The following LRP1B variants were observed in gnomAD, a reference collection of about 807,000 sequenced individuals.
The protein encoded by LRP1B is LDL receptor related protein 1B, also known as low-density lipoprotein receptor-related protein 1B.
LRP1B carries 217 observed loss-of-function variants against 556.6 expected under a neutral mutation model. That is an observed-to-expected ratio of 0.39 (90% CI 0.35 to 0.44). The LOEUF is 0.44. Ranked by LOEUF, LRP1B falls within the 20% of genes least tolerant of loss-of-function variation. The pLI, the probability that LRP1B is intolerant of heterozygous loss-of-function variation, is 1.00. For missense variants in LRP1B, 5,053 were observed against 5,620.8 expected, an observed-to-expected ratio of 0.90 and a Z score of 3.23; for synonymous variants, 2,047 against 1,865.8, an observed-to-expected ratio of 1.10 and a Z score of -2.50.
At chr2:140,966,052 T>C (rs1224348458) in intron 18 of LRP1B, among the ~76,000 whole-genome samples, 1 of 152,190 alleles carries the variant, frequency 6.6e-6, no homozygotes, top group East Asian at 1.9e-4. Context: ...TGATTTATAA[T>C]CCATTGGGTA....
At chr2:140,665,566 G>T (rs1444736184) in intron 41 of LRP1B, among the ~76,000 whole-genome samples, 1 of 151,990 alleles carries the variant, frequency 6.6e-6, no homozygotes, top group Non-Finnish European at 1.5e-5. Flanking sequence ...GGCCACTTGG[G>T]CCCATTTTCT....
rs116380115 is a variant in LRP1B at position 141,372,287 on chromosome 2, G to T, written c.343+108109C>A. 5.9e-3 allele frequency among the ~76,000 whole-genome samples: 891 copies of T among 152,140 alleles called. 5 individuals carry two copies. Among genetic ancestry groups the T allele is most frequent in the African/African-American group, 0.02 (810 of 41,514 alleles). On this transcript the variant is annotated intron_variant, in intron 3 of 90. Coordinates refer to ENST00000389484, the MANE Select transcript of LRP1B (RefSeq NM_018557.3). ...TTGTGTTATTGGATTCAAGTTACTA[G>T]CACATTGTTGAGGACTTTTGTGCCT... is the stretch of plus-strand genomic sequence containing the variant.
At chr2:141,896,086 G>A (rs1468778993) in intron 1 of LRP1B, among the ~76,000 whole-genome samples, 1 of 152,044 alleles carries the variant, frequency 6.6e-6, no homozygotes, top group African/African-American at 2.4e-5. Context: ...ATAGTTCTTA[G>A]AGCTTTAGCA....
chr2:140,457,628 C>A lies in LRP1B; in HGVS notation c.9649G>T (p.Val3217Leu), dbSNP rs1558895759. The change falls in exon 61 of 91, where the codon GTG (valine) becomes TTG (leucine). Residue 3217 changes from valine (V) to leucine (L), a missense_variant. By Grantham distance (32) the Val-to-Leu change is conservative. This residue lies in a region of LRP1B where 262 missense variants were observed against 395.1 expected (regional missense o/e 0.66). Transcript: ENST00000389484. ...HKVPNQDIPG[V>L]IALTLFEDYI... ...TCTTCAAACAATGTTAGTGCAATCACCCCTGGAATATCTTGATTAGGGACT... is the reference window on the plus strand; with the variant it reads ...TCTTCAAACAATGTTAGTGCAATCAACCCTGGAATATCTTGATTAGGGACT... 8 of 1,613,336 alleles carry A rather than the reference C, an allele frequency of 5.0e-6. No homozygotes were observed. In the South Asian group the frequency reaches 5.5e-5, roughly 11 times the overall value.
At chr2:141,338,170 C>T (rs1251955677) in intron 3 of LRP1B, among the ~76,000 whole-genome samples, 2 of 152,154 alleles carry the variant, frequency 1.3e-5, no homozygotes, top group Non-Finnish European at 1.5e-5. Context: ...ATTGTATTAG[C>T]TCGATTCTCA....
At chr2:141,188,617 A>G (rs757435935) in intron 6 of LRP1B, 34 bp from the exon 7 acceptor site, 12 of 1,588,928 alleles carry the variant, frequency 7.6e-6, no homozygotes, top group Non-Finnish European at 1.0e-5. Flanking sequence ...ATTGAATCAC[A>G]GGTGCAATCT....
chr2:141,771,518 A>T (rs1457324908), intron 2 of LRP1B, among the ~76,000 whole-genome samples: 1 of 152,208 alleles, frequency 6.6e-6, no homozygotes. Flanking sequence ...CTAAAATTGC[A>T]TTGGAAAAAT....
At chr2:141,288,063 T>C (rs1685788276) in intron 3 of LRP1B, among the ~76,000 whole-genome samples, 1 of 152,148 alleles carries the variant, frequency 6.6e-6, no homozygotes, top group South Asian at 2.1e-4. Flanking sequence ...CCAATATACA[T>C]ACTATCTACT....
chr2:140,322,759 AT>A (rs1375407282), intron 81 of LRP1B, among the ~76,000 whole-genome samples: 2 of 151,912 alleles, frequency 1.3e-5, no homozygotes, highest in African/African-American at 2.4e-5. Flanking sequence ...AGATTATTTC[AT>A]CAGAATTAAA....
chr2:140,940,301 G>T (rs1441121542), intron 20 of LRP1B, among the ~76,000 whole-genome samples: 3 of 152,180 alleles, frequency 2.0e-5, no homozygotes, highest in Admixed American at 1.3e-4. Flanking sequence ...TATTCCAGGG[G>T]TGAAATATAG....
intron 2 of LRP1B, among the ~76,000 whole-genome samples, chr2:141,571,963 CCAGAAG>C (rs1158624909): frequency 6.6e-6 from 1 of 151,950 alleles, no homozygotes; most frequent in Non-Finnish European, 1.5e-5. Context: ...GATTTGAGTA[CCAGAAG>C]GAGATAGGGA....
At chr2:140,717,974 A>AT (rs1200204056) in intron 35 of LRP1B, among the ~76,000 whole-genome samples, 4 of 152,120 alleles carry the variant, frequency 2.6e-5, no homozygotes, top group Admixed American at 1.3e-4. Flanking sequence ...GATTTGTTTG[A>AT]TTTTCTCATT....
chr2:141,170,339 C>T (rs925816203), intron 7 of LRP1B, among the ~76,000 whole-genome samples: 5 of 152,056 alleles, frequency 3.3e-5, no homozygotes, highest in African/African-American at 7.2e-5. Flanking sequence ...AGGTCTCACA[C>T]GGAACTTTAG....
intron 3 of LRP1B, among the ~76,000 whole-genome samples, chr2:141,348,907 G>A (rs1521107): frequency 0.56 from 84,600 of 151,706 alleles, 24,317 homozygotes; most frequent in Non-Finnish European, 0.6. Context: ...TTCTATAAGG[G>A]GAAATTTCCC....
At chr2:140,668,713 G>T (rs181532505) in intron 41 of LRP1B, among the ~76,000 whole-genome samples, 1 of 151,150 alleles carries the variant, frequency 6.6e-6, no homozygotes, top group African/African-American at 2.4e-5. Flanking sequence ...TATATTTGCT[G>T]TAAAATATTT....
chr2:141,225,788 T>C (rs146807348), intron 6 of LRP1B, among the ~76,000 whole-genome samples: 1 of 152,212 alleles, frequency 6.6e-6, no homozygotes, highest in African/African-American at 2.4e-5. Context: ...ACAATATTGT[T>C]TAGGAATGAT....
intron 3 of LRP1B, among the ~76,000 whole-genome samples, chr2:141,461,682 G>A (rs999086457): frequency 6.6e-6 from 1 of 152,150 alleles, no homozygotes; most frequent in East Asian, 1.9e-4. Context: ...CTGAATCTAC[G>A]AAGAACATGA....
Position 141,812,424 on chromosome 2 carries a change from G to T in LRP1B, c.83-2023C>A, listed in dbSNP as rs183582343. On this transcript the variant is annotated intron_variant, in intron 1 of 90. Coordinates refer to ENST00000389484, the MANE Select transcript of LRP1B (RefSeq NM_018557.3). Reference sequence around the variant, plus strand: ...TTTTATCTATAGCTACTTTGCGTTTGATCTACGGTCTTGAAATGCTAGATT... The same window carrying T: ...TTTTATCTATAGCTACTTTGCGTTTTATCTACGGTCTTGAAATGCTAGATT... Among the ~76,000 whole-genome samples the T allele has an allele frequency of 1.5e-4, 23 of 152,160 alleles. No homozygotes were observed. The East Asian group carries it at 4.3e-3, about 28-fold the overall frequency.
intron 35 of LRP1B, among the ~76,000 whole-genome samples, chr2:140,748,493 A>ACTGTGTT (rs2104886127): frequency 8.8e-6 from 1 of 114,276 alleles, no homozygotes; most frequent in South Asian, 2.7e-4. Flanking sequence ...TAGCAATAAT[A>ACTGTGTT]CTGTGTTAAC....
Sources: gnomAD v4.1 joint callset for allele counts (sites outside exome capture counted in the v4.1 genomes callset) on GRCh38, gnomAD v4.1.1 for gene constraint, gnomAD v4.1.1 regional missense constraint, MANE v1.5 for transcripts, NCBI Gene and HGNC (gene_info 2026-07-23, HGNC 2026-07-21) for gene names.